Variants in CACNA1D observed in about 807,000 individuals in gnomAD.
CACNA1D encodes voltage-dependent L-type calcium channel subunit alpha-1D.
CACNA1D carries 55 observed loss-of-function variants against 257.1 expected under a neutral mutation model. The ratio of observed to expected loss-of-function variants is 0.21; its 90% confidence interval spans 0.17 to 0.27. The LOEUF is 0.27. Among genes scored for constraint, CACNA1D ranks in the 10% least tolerant of loss-of-function variants. CACNA1D has a pLI of 1.00. For missense variants in CACNA1D, 1,876 were observed against 2,784.0 expected, an observed-to-expected ratio of 0.67 and a Z score of 7.34; for synonymous variants, 980 against 1,014.9, an observed-to-expected ratio of 0.97 and a Z score of 0.65.
intron 30 of CACNA1D, among the ~76,000 whole-genome samples, chr3:53,766,424 C>T (rs2095332511): frequency 6.6e-6 from 1 of 152,244 alleles, no homozygotes; most frequent in South Asian, 2.1e-4. Context: ...CTCCGCAATG[C>T]CTCGGGTTAC....
At chr3:53,683,590 C>T (rs915714196) in intron 8 of CACNA1D, among the ~76,000 whole-genome samples, 1 of 152,070 alleles carries the variant, frequency 6.6e-6, no homozygotes, top group South Asian at 2.1e-4. Context: ...AGGGAAAAGT[C>T]GATAGAAACA....
intron 15 of CACNA1D, among the ~76,000 whole-genome samples, chr3:53,729,673 A>G (rs897266652): frequency 6.6e-6 from 1 of 152,238 alleles, no homozygotes; most frequent in Non-Finnish European, 1.5e-5. Flanking sequence ...AAAAAATATG[A>G]TAATTTGTTC....
At chr3:53,808,548 C>G in intron 45 of CACNA1D, 101 bp from the exon 46 acceptor site, 1 of 1,417,908 alleles carries the variant, frequency 7.1e-7, no homozygotes, top group Non-Finnish European at 9.9e-7. Context: ...ATGCTTCTTC[C>G]TGGGCTCGTT....
intron 3 of CACNA1D, among the ~76,000 whole-genome samples, chr3:53,552,052 C>T (rs76414502): frequency 0.018 from 2,761 of 152,290 alleles, 92 homozygotes; most frequent in African/African-American, 0.062. Flanking sequence ...TGCCCAGGCC[C>T]CCTCTTCCCT....
intron 3 of CACNA1D, among the ~76,000 whole-genome samples, chr3:53,554,110 G>A (rs1298909959): frequency 6.6e-6 from 1 of 151,706 alleles, no homozygotes; most frequent in African/African-American, 2.4e-5. Flanking sequence ...GGAGGAGAAT[G>A]GCGTGAACCC....
At position 53,673,913 on chromosome 3, in the gene CACNA1D, G is replaced by T. The variant is rs1559498460; in HGVS notation, c.1220+787G>T. ...GCTCCCTGACAGCTTCTCTGCATGT[G>T]TTTGGACTCTGATGTCCTCTCAGTG... On this transcript the variant is annotated intron_variant, in intron 8 of 47. Transcript: ENST00000350061. The surrounding 1 kb of genome is among the most constrained non-coding windows in gnomAD (Gnocchi z 4.1). The T allele has an allele frequency of 1.3e-6, 1 of 799,014 alleles. No individual in the cohort carries two copies. The highest frequency in any genetic ancestry group is 1.7e-5 in the Admixed American group (1 of 57,282). 49.5% of individuals were successfully genotyped at this position (799,014 alleles called of 1,614,324 possible).
chr3:53,734,016 G>GTGTA (rs1412072447), intron 19 of CACNA1D, among the ~76,000 whole-genome samples: 7 of 131,700 alleles, frequency 5.3e-5, no homozygotes, highest in African/African-American at 2.1e-4. Context: ...ATATGTGTGT[G>GTGTA]TATATATATA....
chr3:53,730,896 C>T (rs1392057503), intron 16 of CACNA1D, 181 bp from the exon 17 acceptor site: 2 of 615,226 alleles, frequency 3.3e-6, no homozygotes, highest in East Asian at 5.5e-5. Flanking sequence ...GTAATGAATC[C>T]ATCGCATTGA....
chr3:53,743,185 A>C (rs2095133922), intron 22 of CACNA1D, 68 bp downstream of exon 22: 3 of 925,940 alleles, frequency 3.2e-6, no homozygotes, highest in South Asian at 2.6e-5. Flanking sequence ...TTTTAACATA[A>C]TTGATAAAGG....
intron 3 of CACNA1D, among the ~76,000 whole-genome samples, chr3:53,609,427 A>AAAAAAAC: frequency 6.6e-6 from 1 of 151,794 alleles, no homozygotes; most frequent in South Asian, 2.1e-4. Flanking sequence ...AAAAAAAAAA[A>AAAAAAAC]AAAAAACTTC....
Position 53,793,091 on chromosome 3 carries a change from C to G in CACNA1D, c.4923+6139C>G, listed in dbSNP as rs2095491769. 2.0e-5 allele frequency among the ~76,000 whole-genome samples: 3 copies of G among 152,188 alleles called. No individual in the cohort carries two copies. On this transcript the variant is annotated intron_variant, in intron 40 of 47. Coordinates refer to ENST00000350061, the MANE Select transcript of CACNA1D (RefSeq NM_001128840.3). This position sits in a 1 kb window ranked among gnomAD's most constrained non-coding sequence, Gnocchi z 4.1. ...TCAAGATGTTGAAGCACAGCTGCAC[C>G]TGGTATCAACCGCTGTTACCCTAGC...
At chr3:53,592,027 C>T (rs2093312740) in intron 3 of CACNA1D, among the ~76,000 whole-genome samples, 1 of 152,208 alleles carries the variant, frequency 6.6e-6, no homozygotes, top group Non-Finnish European at 1.5e-5. Context: ...CTCGTTCCTT[C>T]AGCAGTTCAA....
Position 53,495,308 on chromosome 3 carries a change from C to T in CACNA1D, c.67+75C>T. On this transcript the variant is annotated intron_variant, in intron 1 of 47. Transcript: ENST00000350061. This position sits in a 1 kb window ranked among gnomAD's most constrained non-coding sequence, Gnocchi z 5.1. ...GTCCTCCAGCCCCCTCCCCCTTCCC[C>T]GCGGCGCTGGATGGGTTGAGGGGGT... 3 of 1,576,568 alleles carry T rather than the reference C, an allele frequency of 1.9e-6. No homozygotes were observed. Among genetic ancestry groups the T allele is most frequent in the South Asian group, 2.2e-5 (2 of 90,104 alleles).
intron 5 of CACNA1D, among the ~76,000 whole-genome samples, chr3:53,664,757 G>T (rs952401058): frequency 4.6e-5 from 7 of 152,206 alleles, no homozygotes; most frequent in African/African-American, 1.7e-4. Context: ...ATGGACCTTG[G>T]GGGACTGAAC....
intron 8 of CACNA1D, among the ~76,000 whole-genome samples, chr3:53,694,720 T>C (rs1399728002): frequency 6.6e-6 from 1 of 152,164 alleles, no homozygotes; most frequent in African/African-American, 2.4e-5. Flanking sequence ...TTTTCTGTTA[T>C]TGTTAGAGAA....
chr3:53,581,214 G>A (rs1222269168), intron 3 of CACNA1D, among the ~76,000 whole-genome samples: 3 of 152,232 alleles, frequency 2.0e-5, no homozygotes, highest in Non-Finnish European at 4.4e-5. Flanking sequence ...GGATCCCCAT[G>A]TTTGATGTGT....
chr3:53,801,551 G>A, intron 42 of CACNA1D, 126 bp downstream of exon 42: 2 of 1,261,616 alleles, frequency 1.6e-6, no homozygotes, highest in Non-Finnish European at 2.3e-6. Context: ...GTAGGCATTT[G>A]TGTCAGGATC....
chr3:53,613,799 G>A (rs1315981555), intron 3 of CACNA1D, among the ~76,000 whole-genome samples: 3 of 151,742 alleles, frequency 2.0e-5, no homozygotes, highest in African/African-American at 4.8e-5. Flanking sequence ...ACAAGGTTTC[G>A]GGCAGTTTCT....
chr3:53,538,996 C>A (rs149776159), intron 3 of CACNA1D, among the ~76,000 whole-genome samples: 71 of 152,274 alleles, frequency 4.7e-4, no homozygotes, highest in African/African-American at 1.6e-3. Flanking sequence ...GTAATGACTT[C>A]CTCGATTTTC....
Sources: allele counts gnomAD v4.1 joint callset (sites outside exome capture counted in the v4.1 genomes callset), GRCh38; gene constraint gnomAD v4.1.1; non-coding constraint Gnocchi (gnomAD v3.1); transcripts MANE v1.5; gene names NCBI Gene and HGNC (gene_info 2026-07-23, HGNC 2026-07-21).